CAMK1D: variants seen among roughly 807,000 people sequenced by gnomAD.
CAMK1D encodes the protein calcium/calmodulin dependent protein kinase ID.
A neutral mutation model predicts 47.7 loss-of-function variants in CAMK1D; 9 were observed. The observed-to-expected ratio is 0.19, with a 90% CI of 0.11 to 0.33. The LOEUF is 0.33. Among genes scored for constraint, CAMK1D ranks in the 10% least tolerant of loss-of-function variants. The pLI is 1.00. For missense variants in CAMK1D, 291 were observed against 488.7 expected (o/e 0.60, Z 3.81); for synonymous variants, 184 against 184.9 (o/e 0.99, Z 0.04).
intron 1 of CAMK1D, among the ~76,000 whole-genome samples, chr10:12,521,110 C>T (rs1048132800): frequency 7.9e-5 from 12 of 152,238 alleles, no homozygotes; most frequent in African/African-American, 2.6e-4. Context: ...TTTCTGTTTT[C>T]AATTTCATTG....
At chr10:12,666,953 T>G in intron 3 of CAMK1D, 143 bp downstream of exon 3, 1 of 666,262 alleles carries the variant, frequency 1.5e-6, no homozygotes, top group Non-Finnish European at 2.6e-6. Context: ...TAGAGAGGCC[T>G]GTATCCAACT....
At chr10:12,451,138 C>A (rs1362535875) in intron 1 of CAMK1D, among the ~76,000 whole-genome samples, 1 of 152,196 alleles carries the variant, frequency 6.6e-6, no homozygotes, top group Non-Finnish European at 1.5e-5. Context: ...ATGTTAAATT[C>A]ATTCCTGATA....
At chr10:12,586,069 G>C (rs1837807952) in intron 2 of CAMK1D, among the ~76,000 whole-genome samples, 2 of 152,178 alleles carry the variant, frequency 1.3e-5, no homozygotes, top group Admixed American at 6.5e-5. Context: ...CTTGGATGGA[G>C]CCCTTCCGAG....
intron 1 of CAMK1D, among the ~76,000 whole-genome samples, chr10:12,354,669 C>G (rs554286484): frequency 1.3e-5 from 2 of 152,012 alleles, no homozygotes; most frequent in South Asian, 4.2e-4. Flanking sequence ...CTCGGCCTCC[C>G]AAAGTGCTGG....
intron 5 of CAMK1D, among the ~76,000 whole-genome samples, chr10:12,784,820 A>C (rs1837653261): frequency 6.6e-6 from 1 of 152,206 alleles, no homozygotes; most frequent in South Asian, 2.1e-4. Flanking sequence ...TTTCCACAGA[A>C]ATAATGGTGT....
In CAMK1D at chr10:12,816,354, A is replaced by G. The variant is rs1474939020; in HGVS notation, c.833+26A>G. 13 of 1,602,572 alleles carry G rather than the reference A, an allele frequency of 8.1e-6. No homozygotes were observed. The South Asian group carries it at 1.2e-4, about 15-fold the overall frequency. The stretch of plus-strand genomic sequence containing the variant: ...GTAAGGAAATGCACCCGCTCAGCAG[A>G]CCGTGCCATTTAATGCCATCTGGGG... On this transcript the variant is annotated intron_variant, in intron 8 of 10. Coordinates refer to ENST00000619168, the MANE Select transcript of CAMK1D (RefSeq NM_153498.4).
rs61097569 is a variant in CAMK1D, at chr10:12,766,361, C to CTTTT, written c.439-3296_439-3293dup. Among the ~76,000 whole-genome samples, 303 of 103,330 alleles carry CTTTT rather than the reference C, an allele frequency of 2.9e-3. 5 individuals carry two copies. Among genetic ancestry groups the CTTTT allele is most frequent in the African/African-American group, 0.011 (288 of 26,114 alleles). The allele number at this position is 103,330 out of a possible 152,430, so 67.8% of individuals were successfully genotyped here. On this transcript the variant is annotated intron_variant, in intron 4 of 10. Coordinates refer to ENST00000619168, the MANE Select transcript of CAMK1D (RefSeq NM_153498.4). ...CTGGCCAGCCCCACGTTGCCTGTTT[C>CTTTT]TTTTTTTTTTTTTTTTTTTGAGACG...
chr10:12,547,645 C>CA (rs926529617), intron 1 of CAMK1D, among the ~76,000 whole-genome samples: 2 of 119,556 alleles, frequency 1.7e-5, no homozygotes, highest in Non-Finnish European at 3.6e-5. Flanking sequence ...GGACACCCCC[C>CA]CCCCAACCCT....
At chr10:12,825,174 A>G (rs2131120570) in intron 9 of CAMK1D, among the ~76,000 whole-genome samples, 1 of 152,420 alleles carries the variant, frequency 6.6e-6, no homozygotes, top group African/African-American at 2.4e-5. Flanking sequence ...AATTGCCATT[A>G]CTTTTGCACC....
chr10:12,685,670 C>T (rs897021442), intron 3 of CAMK1D, among the ~76,000 whole-genome samples: 1 of 152,200 alleles, frequency 6.6e-6, no homozygotes. Flanking sequence ...TCACCCTAGG[C>T]CTTCTCGCTG....
intron 3 of CAMK1D, among the ~76,000 whole-genome samples, chr10:12,718,786 C>T (rs1311656245): frequency 6.6e-6 from 1 of 151,956 alleles, no homozygotes; most frequent in Non-Finnish European, 1.5e-5. Flanking sequence ...AATGCCTCAC[C>T]TCTTCTTTCT....
intron 1 of CAMK1D, among the ~76,000 whole-genome samples, chr10:12,542,694 A>G (rs879470169): frequency 6.6e-6 from 1 of 152,248 alleles, no homozygotes; most frequent in Non-Finnish European, 1.5e-5. Flanking sequence ...TTTTGTGATT[A>G]AATTGCTCTT....
chr10:12,489,788 C>G (rs1477029778), intron 1 of CAMK1D, among the ~76,000 whole-genome samples: 1 of 152,190 alleles, frequency 6.6e-6, no homozygotes, highest in Non-Finnish European at 1.5e-5. Flanking sequence ...ATCTGCAACT[C>G]TCACAGAAGT....
At chr10:12,798,968 C>T (rs1838309111) in intron 6 of CAMK1D, among the ~76,000 whole-genome samples, 1 of 152,086 alleles carries the variant, frequency 6.6e-6, no homozygotes, top group Admixed American at 6.5e-5. Context: ...GGAACATGCA[C>T]AGGGGGAAAA....
chr10:12,664,704 G>A (rs1288638711), intron 2 of CAMK1D, among the ~76,000 whole-genome samples: 1 of 152,158 alleles, frequency 6.6e-6, no homozygotes, highest in African/African-American at 2.4e-5. Context: ...AGTTACCTCT[G>A]AATTTCAGAT....
rs115210317 is a variant in CAMK1D at position 12,806,905 on chromosome 10, G to T, written c.642-7290G>T. On this transcript the variant is annotated intron_variant, in intron 6 of 10. Transcript: ENST00000619168. ...CTTTGGGGCTGTGGCGGTCTGGCTAGATCAACACCTGTCTCTGGTCACTCA... is the reference window on the plus strand; with the variant it reads ...CTTTGGGGCTGTGGCGGTCTGGCTATATCAACACCTGTCTCTGGTCACTCA... Among the ~76,000 whole-genome samples the T allele has an allele frequency of 1.8e-3, 275 of 152,320 alleles. 1 individual carries two copies. Among genetic ancestry groups the T allele is most frequent in the African/African-American group, 6.3e-3 (263 of 41,566 alleles).
chr10:12,759,246 A>G (rs534594169), intron 3 of CAMK1D, among the ~76,000 whole-genome samples: 8 of 152,148 alleles, frequency 5.3e-5, no homozygotes, highest in Non-Finnish European at 2.9e-5. Context: ...CTACTCAGGA[A>G]GCTGATGTAG....
intron 2 of CAMK1D, among the ~76,000 whole-genome samples, chr10:12,576,000 T>G (rs1837478734): frequency 6.6e-6 from 1 of 152,216 alleles, no homozygotes; most frequent in Admixed American, 6.5e-5. Context: ...GTTACAAGGA[T>G]AAAACAATTT....
chr10:12,393,874 G>T (rs1179300503), intron 1 of CAMK1D, among the ~76,000 whole-genome samples: 1 of 152,200 alleles, frequency 6.6e-6, no homozygotes, highest in Non-Finnish European at 1.5e-5. Flanking sequence ...ACGTGTGTGG[G>T]TTTTTCCTTC....
Sources: allele counts gnomAD v4.1 joint callset (sites outside exome capture counted in the v4.1 genomes callset), GRCh38; gene constraint gnomAD v4.1.1; transcripts MANE v1.5; gene names NCBI Gene and HGNC (gene_info 2026-07-23, HGNC 2026-07-21).